The following DNAJC13 variants were observed in gnomAD, a reference collection of about 807,000 sequenced individuals.
The protein encoded by DNAJC13 is dnaJ homolog subfamily C member 13.
DNAJC13 carries 75 observed loss-of-function variants against 290.5 expected under a neutral mutation model. The ratio of observed to expected loss-of-function variants is 0.26; its 90% CI spans 0.21 to 0.31. The LOEUF (loss-of-function observed/expected upper bound fraction) is 0.31. Among genes scored for constraint, DNAJC13 ranks in the 10% least tolerant of loss-of-function variants. The pLI is 1.00. For synonymous variants in DNAJC13, 862 were observed against 892.0 expected (o/e 0.97, Z 0.60); for missense variants, 2,260 against 2,674.5 (o/e 0.85, Z 3.42).
At chr3:132,493,974 A>C (rs1482032426) in intron 33 of DNAJC13, among the ~76,000 whole-genome samples, 170 bp from the exon 34 acceptor site, 1 of 152,196 alleles carries the variant, frequency 6.6e-6, no homozygotes, top group Non-Finnish European at 1.5e-5. Flanking sequence ...TGCTCTGCCC[A>C]ACTATACAGC....
In DNAJC13 at chr3:132,499,261, A is replaced by G. The variant is rs1935337212; in HGVS notation, c.4292A>G (p.Asn1431Ser). Residue 1431 changes from asparagine to serine, a missense_variant, in exon 37 of 56, where the codon AAC becomes AGC. Asn to Ser is a conservative substitution (Grantham distance 46). Around this residue, in one of 3 missense-constraint regions of DNAJC13, gnomAD observed 1,494 missense variants for 1,693.7 expected, o/e 0.88. Transcript: ENST00000260818. ...ACAGAGCTAGCTTTCCATACTGTCAACTGTTCAGCCCTCAATGCTGAAGAG... is the reference window on the plus strand; with the variant it reads ...ACAGAGCTAGCTTTCCATACTGTCAGCTGTTCAGCCCTCAATGCTGAAGAG... ...AATELAFHTV[N>S]CSALNAEELR... 1 of 1,614,082 alleles carries G rather than the reference A, an allele frequency of 6.2e-7. No homozygotes were observed. Among genetic ancestry groups the G allele is most frequent in the African/African-American group, 1.3e-5 (1 of 75,058 alleles).
chr3:132,490,898 CA>C lies in DNAJC13; in HGVS notation c.3474del (p.Gly1159AspfsTer22). 6.4e-7 allele frequency: 1 copy of C among 1,572,404 alleles called. No homozygotes were observed. Among genetic ancestry groups the C allele is most frequent in the African/African-American group, 1.4e-5 (1 of 72,762 alleles). Reference protein sequence around the residue: ...HTKQAFKSEETKGQDIFQRSI... With the variant: ...HTKQAFKSEEXKGQDIFQRSI... ...CTTTTGTTTTGTTTTGTTTTGAAGACAAAAGGACAAGATATTTTTCAGAGAA... is the reference window on the plus strand; with the variant it reads ...CTTTTGTTTTGTTTTGTTTTGAAGACAAAGGACAAGATATTTTTCAGAGAA... On this transcript the variant is annotated frameshift_variant and splice_region_variant, in exon 32 of 56. Transcript: ENST00000260818. LOFTEE classifies it high-confidence loss of function.
rs751096558 is a variant in DNAJC13 at position 132,538,165 on chromosome 3, C to T, written c.6626-11C>T. Reference sequence around the variant, plus strand: ...TTTCTAGAGGTGTGTGTTTACCTTTCTCTCTTGCAGGACCTGGAGTTGCTG... The same window carrying T: ...TTTCTAGAGGTGTGTGTTTACCTTTTTCTCTTGCAGGACCTGGAGTTGCTG... On this transcript the variant is annotated splice_polypyrimidine_tract_variant and intron_variant, in intron 55 of 55. Transcript: ENST00000260818. The T allele has an allele frequency of 6.2e-7, 1 of 1,611,968 alleles. No individual in the cohort carries two copies. The highest frequency in any genetic ancestry group is 8.5e-7 in the Non-Finnish European group (1 of 1,178,414).
rs1285863652 is a variant in DNAJC13 at position 132,526,299 on chromosome 3, T to G, written c.6381+18T>G. 1 of 1,613,064 alleles carries G rather than the reference T, an allele frequency of 6.2e-7. No homozygotes were observed. Among genetic ancestry groups the G allele is most frequent in the East Asian group, 2.2e-5 (1 of 44,860 alleles). ...TAGCACAAGTAAGTGACTTTCTAGA[T>G]TTAGCACTATTTTAGGAAAGCAAAC... On this transcript the variant is annotated intron_variant, in intron 53 of 55. Transcript: ENST00000260818.
intron 46 of DNAJC13, 127 bp downstream of exon 46, chr3:132,514,797 A>G (rs1225986887): frequency 1.2e-5 from 8 of 687,408 alleles, no homozygotes; most frequent in Non-Finnish European, 1.7e-5. Flanking sequence ...TATTTACACT[A>G]GATTTGTCTT....
intron 42 of DNAJC13, 39 bp from the exon 43 acceptor site, chr3:132,507,198 A>G (rs1935621485): frequency 7.8e-7 from 1 of 1,276,908 alleles, no homozygotes; most frequent in Non-Finnish European, 1.1e-6. Context: ...ACATGGATAG[A>G]TTTACATCTA....
chr3:132,456,934 C>A lies in DNAJC13; in HGVS notation c.1349+102C>A, dbSNP rs6778924. 87 of 1,274,848 alleles carry A rather than the reference C, an allele frequency of 6.8e-5. 1 individual carries two copies. In the South Asian group the frequency reaches 1.3e-3, roughly 19 times the overall value. The allele number at this position is 1,274,848 out of a possible 1,614,324, so 79.0% of individuals were successfully genotyped here. The stretch of plus-strand genomic sequence containing the variant: ...TCCTTTTCCTTGACTAAACCAGATA[C>A]CTTTTATAGGGTGATATGGTACTTT... On this transcript the variant is annotated intron_variant, in intron 12 of 55. Transcript: ENST00000260818.
intron 1 of DNAJC13, among the ~76,000 whole-genome samples, chr3:132,418,208 C>CAAAGAA (rs1938854422): frequency 6.6e-6 from 1 of 152,146 alleles, no homozygotes; most frequent in Admixed American, 6.5e-5. Flanking sequence ...ACTTTCTTTG[C>CAAAGAA]TTTGTTTCGT....
chr3:132,434,664 T>C (rs1303826919), intron 2 of DNAJC13, 46 bp downstream of exon 2: 5 of 1,458,748 alleles, frequency 3.4e-6, no homozygotes, highest in Non-Finnish European at 4.7e-6. Flanking sequence ...CTATAAAATA[T>C]TTTAAACATT....
rs758049804 is a variant in DNAJC13, at chr3:132,486,082, CTTTTTTTT to C, written c.3267+1430_3267+1437del. 1.2e-4 allele frequency among the ~76,000 whole-genome samples: 5 copies of C among 40,520 alleles called. No homozygotes were observed. In the East Asian group the frequency reaches 2.1e-3, roughly 17 times the overall value. 26.6% of individuals were successfully genotyped at this position (40,520 alleles called of 152,430 possible). A position where few individuals can be genotyped will look rare whatever the true frequency, so the allele number is the denominator to read the frequency against. On this transcript the variant is annotated intron_variant, in intron 29 of 55. Coordinates refer to ENST00000260818, the MANE Select transcript of DNAJC13 (RefSeq NM_015268.4). ...CTTCTAAATACAGTAATGCCCTATC[CTTTTTTTT>C]TTTTTTTTTTTTTTTTTTTGCCAAT...
Position 132,502,426 on chromosome 3 carries a change from A to G in DNAJC13, c.4674A>G (p.Leu1558=). The change falls in exon 40 of 56, where the codon CTA becomes CTG. Residue 1558 remains leucine (L), a synonymous_variant. Transcript: ENST00000260818. ...TTCTGTTTAATTATGACTACACACTAGAAGAGAGTGGCATTCAGAAAAGTG... is the reference window on the plus strand; with the variant it reads ...TTCTGTTTAATTATGACTACACACTGGAAGAGAGTGGCATTCAGAAAAGTG... ...LGFLFNYDYT[L]EESGIQKSEE... 1 of 1,613,058 alleles carries G rather than the reference A, an allele frequency of 6.2e-7. No individual in the cohort carries two copies. The highest frequency in any genetic ancestry group is 1.7e-5 in the Admixed American group (1 of 59,760).
At chr3:132,441,563 T>C (rs939195452) in intron 2 of DNAJC13, among the ~76,000 whole-genome samples, 4 of 152,202 alleles carry the variant, frequency 2.6e-5, no homozygotes, top group Non-Finnish European at 5.9e-5. Flanking sequence ...GTAATACAGG[T>C]ACACAGAAAT....
intron 41 of DNAJC13, 82 bp from the exon 42 acceptor site, chr3:132,505,220 C>CCAAACA: frequency 1.2e-6 from 1 of 812,316 alleles, no homozygotes; most frequent in Non-Finnish European, 2.1e-6. Flanking sequence ...TAGTGTTTGG[C>CCAAACA]CTATAATAGA....
intron 31 of DNAJC13, among the ~76,000 whole-genome samples, chr3:132,489,319 T>C (rs1307848969): frequency 1.3e-5 from 2 of 152,106 alleles, no homozygotes; most frequent in Non-Finnish European, 1.5e-5. Flanking sequence ...AGATTAGTGA[T>C]TTTTGTAAAT....
chr3:132,436,868 AT>A (rs1038016936), intron 2 of DNAJC13, among the ~76,000 whole-genome samples: 8 of 149,086 alleles, frequency 5.4e-5, no homozygotes, highest in South Asian at 2.1e-4. Context: ...AACTAAAAAA[AT>A]TTTTTTTATT....
chr3:132,503,988 AAAG>A (rs1175757720), intron 41 of DNAJC13, among the ~76,000 whole-genome samples: 1 of 151,948 alleles, frequency 6.6e-6, no homozygotes, highest in African/African-American at 2.4e-5. Flanking sequence ...ATAAAAAAAA[AAAG>A]AGTACTAAAA....
At chr3:132,480,016 A>G (rs996134049) in intron 25 of DNAJC13, among the ~76,000 whole-genome samples, 2 of 152,200 alleles carry the variant, frequency 1.3e-5, no homozygotes, top group African/African-American at 4.8e-5. Flanking sequence ...ATTTTTTAAT[A>G]TAGCAGACTT....
At chr3:132,530,607 C>T (rs1248438901) in intron 54 of DNAJC13, among the ~76,000 whole-genome samples, 2 of 152,182 alleles carry the variant, frequency 1.3e-5, no homozygotes, top group Non-Finnish European at 2.9e-5. Flanking sequence ...TAAGTTTTAG[C>T]TCAATTTGGC....
intron 1 of DNAJC13, among the ~76,000 whole-genome samples, chr3:132,425,683 T>C (rs371630340): frequency 1.3e-5 from 2 of 152,142 alleles, no homozygotes; most frequent in South Asian, 4.1e-4. Context: ...TTACTTCCAG[T>C]TGATGATGCT....
Sources: allele counts gnomAD v4.1 joint callset (sites outside exome capture counted in the v4.1 genomes callset), GRCh38; gene constraint gnomAD v4.1.1; regional missense constraint gnomAD v4.1.1; transcripts MANE v1.5; gene names NCBI Gene and HGNC (gene_info 2026-07-23, HGNC 2026-07-21).